ZNF140: variants seen among roughly 807,000 people sequenced by gnomAD.
The protein encoded by ZNF140 is zinc finger protein 140.
A neutral mutation model predicts 12.9 loss-of-function variants in ZNF140; 13 were observed. The observed-to-expected ratio is 1.01, with a 90% CI of 0.66 to 1.60. The LOEUF is 1.60. Among genes scored for constraint, ZNF140 ranks in the 40% most tolerant of loss-of-function variants. ZNF140 has a pLI of 0.00. For missense variants in ZNF140, 531 were observed against 548.8 expected (o/e 0.97, Z 0.32); for synonymous variants, 214 against 186.7 (o/e 1.15, Z -1.19).
intron 4 of ZNF140, among the ~76,000 whole-genome samples, chr12:133,100,296 T>G (rs1478207938): frequency 6.7e-6 from 1 of 150,054 alleles, no homozygotes; most frequent in African/African-American, 2.5e-5. Context: ...ACCTCCTGAG[T>G]AGCTGGGACC....
At chr12:133,084,470 GTC>G (rs1348933719) in intron 4 of ZNF140, among the ~76,000 whole-genome samples, 1 of 152,200 alleles carries the variant, frequency 6.6e-6, no homozygotes, top group African/African-American at 2.4e-5. Flanking sequence ...CTAGTGATGT[GTC>G]TAAATAGCTT....
chr12:133,083,365 T>G, intron 3 of ZNF140, 101 bp from the exon 4 acceptor site: 1 of 1,504,804 alleles, frequency 6.6e-7, no homozygotes, highest in Non-Finnish European at 8.9e-7. Context: ...TAACTGCACC[T>G]TATTTTTAGA....
At position 133,085,600 on chromosome 12, in the gene ZNF140, T is replaced by A. The variant is rs1350511166; in HGVS notation, c.232+2039T>A. On this transcript the variant is annotated intron_variant, in intron 4 of 4. Transcript: ENST00000355557. ...TTTTATGGTAAAGTAGCTTCCTTGG[T>A]TTTCTTTATTGTTCCATCAGCTCTT... is the stretch of plus-strand genomic sequence containing the variant. 6.6e-5 allele frequency among the ~76,000 whole-genome samples: 10 copies of A among 152,338 alleles called. No homozygotes were observed. The South Asian group carries it at 2.1e-3, about 32-fold the overall frequency.
At position 133,105,763 on chromosome 12, in the gene ZNF140, A is replaced by G; in HGVS notation, c.486A>G (p.Gly162=). 6.2e-7 allele frequency: 1 copy of G among 1,614,176 alleles called. No individual in the cohort carries two copies. The highest frequency in any genetic ancestry group is 1.6e-4 in the Middle Eastern group (1 of 6,062). Residue 162 remains glycine, a synonymous_variant, in exon 5 of 5, where the codon GGA becomes GGG. Transcript: ENST00000355557. Reference sequence around the variant, plus strand: ...TCAGTACTGTGGAGAGGCCCTATGGATGCCATGAATGTGGAAAAACTTTTG... The same window carrying G: ...TCAGTACTGTGGAGAGGCCCTATGGGTGCCATGAATGTGGAAAAACTTTTG... ...MNISTVERPY[G]CHECGKTFGR... is the part of the protein sequence containing the mutation.
Position 133,083,122 on chromosome 12 carries a change from A to T in ZNF140, c.29A>T (p.Asp10Val), listed in dbSNP as rs1332829238. The T allele has an allele frequency of 1.2e-6, 2 of 1,614,194 alleles. No homozygotes were observed. The highest frequency in any genetic ancestry group is 2.2e-5 in the East Asian group (1 of 44,888). The change falls in exon 3 of 5, where the codon GAT becomes GTT. Residue 10 changes from aspartate (D) to valine (V), a missense_variant. Coordinates refer to ENST00000355557, the MANE Select transcript of ZNF140 (RefSeq NM_003440.4). MSQGSVTFRDVAIDFSQEEW... is the reference protein window; with the variant it reads MSQGSVTFRVVAIDFSQEEW... ...TTTCAGGGGTCAGTGACATTCAGAG[A>T]TGTGGCCATAGACTTCTCCCAGGAG... is the stretch of plus-strand genomic sequence containing the variant.
At chr12:133,089,526 T>G (rs1954786975) in intron 4 of ZNF140, among the ~76,000 whole-genome samples, 1 of 152,184 alleles carries the variant, frequency 6.6e-6, no homozygotes, top group Non-Finnish European at 1.5e-5. Context: ...ATTTGATTTC[T>G]TTGCTAGATA....
chr12:133,084,092 A>G, intron 4 of ZNF140: 1 of 412,294 alleles, frequency 2.4e-6, no homozygotes, highest in South Asian at 1.8e-5. Flanking sequence ...TTCTCACCTT[A>G]TACTTTCTTT....
chr12:133,092,647 T>C (rs1954932262), intron 4 of ZNF140, among the ~76,000 whole-genome samples: 1 of 151,110 alleles, frequency 6.6e-6, no homozygotes, highest in Non-Finnish European at 1.5e-5. Flanking sequence ...AAATTCCCTT[T>C]TCACCCCATT....
chr12:133,105,760 TG>T lies in ZNF140; in HGVS notation c.485del (p.Gly162AspfsTer44). The T allele has an allele frequency of 6.2e-7, 1 of 1,614,200 alleles. No individual in the cohort carries two copies. The highest frequency in any genetic ancestry group is 8.5e-7 in the Non-Finnish European group (1 of 1,180,032). ...ATATCAGTACTGTGGAGAGGCCCTA[TG>T]GATGCCATGAATGTGGAAAAACTTT... ...MNISTVERPY[G>X]CHECGKTFGR... On this transcript the variant is annotated frameshift_variant, in exon 5 of 5. Transcript: ENST00000355557. LOFTEE classifies it low-confidence loss of function (END_TRUNC).
At chr12:133,101,554 C>G (rs931255985) in intron 4 of ZNF140, among the ~76,000 whole-genome samples, 39 of 152,314 alleles carry the variant, frequency 2.6e-4, no homozygotes, top group Non-Finnish European at 4.9e-4. Flanking sequence ...ACGCCATTCT[C>G]CTGCCTCAGC....
At chr12:133,099,064 C>T (rs1388559356) in intron 4 of ZNF140, among the ~76,000 whole-genome samples, 2 of 152,090 alleles carry the variant, frequency 1.3e-5, no homozygotes, top group Non-Finnish European at 2.9e-5. Flanking sequence ...TTAGTAGAGA[C>T]GGGGTGTCAC....
At chr12:133,085,745 G>A (rs760922628) in intron 4 of ZNF140, among the ~76,000 whole-genome samples, 4 of 152,204 alleles carry the variant, frequency 2.6e-5, no homozygotes, top group Non-Finnish European at 5.9e-5. Flanking sequence ...GGCTGTGCAT[G>A]GTGGCTCATG....
Position 133,106,063 on chromosome 12 carries a change from A to C in ZNF140, c.786A>C (p.Arg262=). 6.2e-7 allele frequency: 1 copy of C among 1,614,154 alleles called. No homozygotes were observed. Among genetic ancestry groups the C allele is most frequent in the Non-Finnish European group, 8.5e-7 (1 of 1,180,018 alleles). ...KAFSRASNLT[R]HQRIHIGKKQ... ...TTAGCCGTGCCTCCAACCTCACTCG[A>C]CATCAAAGAATTCACATAGGAAAGA... Residue 262 remains arginine, a synonymous_variant, in exon 5 of 5, where the codon CGA becomes CGC. Transcript: ENST00000355557.
chr12:133,100,303 G>A (rs1248690165), intron 4 of ZNF140, among the ~76,000 whole-genome samples: 2 of 151,414 alleles, frequency 1.3e-5, no homozygotes, highest in African/African-American at 2.4e-5. Flanking sequence ...GAGTAGCTGG[G>A]ACCACAGGTG....
chr12:133,081,379 A>ATATATATATATATATATATATATATATT (rs1954495317), intron 2 of ZNF140, 50 bp downstream of exon 2: 1 of 221,138 alleles, frequency 4.5e-6, no homozygotes, highest in Non-Finnish European at 7.6e-6. Flanking sequence ...ATAAATTTTT[A>ATATATATATATATATATATATATATATT]TTTTTTTTTT....
intron 4 of ZNF140, among the ~76,000 whole-genome samples, chr12:133,104,906 GCATAATGCC>G (rs1480989119): frequency 6.6e-6 from 1 of 152,138 alleles, no homozygotes; most frequent in Non-Finnish European, 1.5e-5. Context: ...CAGGTAATCA[GCATAATGCC>G]CAATAGTCAG....
intron 4 of ZNF140, 84 bp downstream of exon 4, chr12:133,083,645 T>C (rs1022901877): frequency 9.0e-6 from 12 of 1,337,762 alleles, no homozygotes; most frequent in Middle Eastern, 1.8e-4. Flanking sequence ...AATATGTTGA[T>C]TGGAAAATTT....
chr12:133,083,639 T>G, intron 4 of ZNF140, 78 bp downstream of exon 4: 1 of 1,384,704 alleles, frequency 7.2e-7, no homozygotes, highest in Non-Finnish European at 1.0e-6. Context: ...CTTTTTAATA[T>G]GTTGATTGGA....
chr12:133,081,919 G>A lies in ZNF140; in HGVS notation c.9+590G>A, dbSNP rs974533439. ...ATGAATATTCTTGAGTCCTACCCCA[G>A]ACCTTCTGAATCAGAAACTGAGAAT... On this transcript the variant is annotated intron_variant, in intron 2 of 4. Transcript: ENST00000355557. 3.4e-3 allele frequency: 548 copies of A among 161,748 alleles called. 5 individuals carry two copies. The highest frequency in any genetic ancestry group is 0.013 in the African/African-American group (521 of 41,636). 10.0% of individuals were successfully genotyped at this position (161,748 alleles called of 1,614,324 possible).
Sources: allele counts gnomAD v4.1 joint callset (sites outside exome capture counted in the v4.1 genomes callset), GRCh38; gene constraint gnomAD v4.1.1; transcripts MANE v1.5; gene names NCBI Gene and HGNC (gene_info 2026-07-23, HGNC 2026-07-21).